Variants in DGKD observed in about 807,000 individuals in gnomAD.
DGKD encodes the protein DAG kinase delta.
In DGKD, 68 loss-of-function variants were observed where a neutral mutation model predicts 154.4. The ratio of observed to expected loss-of-function variants is 0.44; its 90% confidence interval spans 0.36 to 0.54. DGKD has a LOEUF of 0.54. Among genes scored for constraint, DGKD ranks in the 20% least tolerant of loss-of-function variants. DGKD has a pLI of 0.00. For synonymous variants in DGKD, 693 were observed against 638.0 expected (o/e 1.09, Z -1.30); for missense variants, 1,343 against 1,593.6 (o/e 0.84, Z 2.68).
At position 233,449,725 on chromosome 2, in the gene DGKD, C is replaced by T. The variant is rs1037480967; in HGVS notation, c.1889-257C>T. Among the ~76,000 whole-genome samples, 16 of 152,294 alleles carry T rather than the reference C, an allele frequency of 1.1e-4. No homozygotes were observed. The highest frequency in any genetic ancestry group is 6.5e-4 in the Admixed American group (10 of 15,308). On this transcript the variant is annotated intron_variant, in intron 15 of 29. Coordinates refer to ENST00000264057, the MANE Select transcript of DGKD (RefSeq NM_152879.3). This position sits in a 1 kb window ranked among gnomAD's most constrained non-coding sequence, Gnocchi z 5.3. ...CTCCCGCTTGCAGCCCTCCAGCCTG[C>T]GCCAGGCTCCTCTGCATCCCTTGCC... is the stretch of plus-strand genomic sequence containing the variant.
intron 3 of DGKD, among the ~76,000 whole-genome samples, chr2:233,412,842 A>G (rs2061860613): frequency 6.6e-6 from 1 of 152,212 alleles, no homozygotes; most frequent in African/African-American, 2.4e-5. Flanking sequence ...ATTGAAGTGA[A>G]CACATGGTTT....
rs1027501691 is a variant in DGKD at position 233,354,551 on chromosome 2, T to C, written c.33T>C (p.Gly11=). The C allele has an allele frequency of 9.8e-7, 1 of 1,015,740 alleles. No homozygotes were observed. The highest frequency in any genetic ancestry group is 1.2e-6 in the Non-Finnish European group (1 of 850,596). The allele number at this position is 1,015,740 out of a possible 1,614,324, so 62.9% of individuals were successfully genotyped here. Residue 11 remains glycine, a synonymous_variant, in exon 1 of 30, where the codon GGT becomes GGC. Transcript: ENST00000264057. The surrounding 1 kb of genome is among the most constrained non-coding windows in gnomAD (Gnocchi z 4.8). ...CGGCGGCGGGCGCCCCTCCGCCGGG[T>C]CCCCCGCAACCGCCTCCGCCGCCGC... MAAAAGAPPP[G]PPQPPPPPPP...
chr2:233,362,187 G>A (rs542112272), intron 1 of DGKD, among the ~76,000 whole-genome samples: 1 of 152,166 alleles, frequency 6.6e-6, no homozygotes, highest in Non-Finnish European at 1.5e-5. Flanking sequence ...TGAAAAAATT[G>A]TGTGAACCAG....
chr2:233,378,658 A>T (rs1001323716), intron 1 of DGKD, among the ~76,000 whole-genome samples: 5 of 151,948 alleles, frequency 3.3e-5, no homozygotes, highest in Non-Finnish European at 7.4e-5. Context: ...CGCCTTTTGC[A>T]TTTTTTTCTG....
chr2:233,380,763 T>C (rs1416429180), intron 1 of DGKD, among the ~76,000 whole-genome samples: 1 of 152,134 alleles, frequency 6.6e-6, no homozygotes, highest in Admixed American at 6.5e-5. Context: ...GAACTCCAAA[T>C]GAGGGGCAGA....
intron 3 of DGKD, among the ~76,000 whole-genome samples, chr2:233,402,393 G>C (rs184354899): frequency 6.6e-6 from 1 of 152,196 alleles, no homozygotes; most frequent in Non-Finnish European, 1.5e-5. Context: ...CCCTAGTAAT[G>C]TGTACTTGGC....
At chr2:233,403,681 C>T (rs2125491801) in intron 3 of DGKD, among the ~76,000 whole-genome samples, 1 of 151,564 alleles carries the variant, frequency 6.6e-6, no homozygotes, top group African/African-American at 2.4e-5. Flanking sequence ...GCTCTGTTGC[C>T]CAGGCCGGAG....
intron 3 of DGKD, among the ~76,000 whole-genome samples, chr2:233,412,644 C>T (rs371752184): frequency 9.2e-5 from 14 of 152,276 alleles, no homozygotes; most frequent in East Asian, 3.9e-4. Context: ...ATAGGAGTAG[C>T]GAAGGCAGGA....
At chr2:233,411,984 C>G (rs1048775942) in intron 3 of DGKD, among the ~76,000 whole-genome samples, 8 of 152,062 alleles carry the variant, frequency 5.3e-5, no homozygotes, top group Non-Finnish European at 1.2e-4. Flanking sequence ...TATATTATGT[C>G]TGCCTTTACT....
intron 1 of DGKD, among the ~76,000 whole-genome samples, chr2:233,379,107 C>T (rs1397372823): frequency 6.6e-6 from 1 of 152,182 alleles, no homozygotes; most frequent in African/African-American, 2.4e-5. Context: ...GACTGTTGGT[C>T]TGGGGAGGGA....
chr2:233,409,115 A>G lies in DGKD; in HGVS notation c.348+18632A>G, dbSNP rs555424880. The G allele has an allele frequency of 2.6e-5, 4 of 152,222 alleles. No homozygotes were observed. In the East Asian group the frequency reaches 5.8e-4, roughly 22 times the overall value. The allele number at this position is 152,222 out of a possible 1,614,324, so 9.4% of individuals were successfully genotyped here. A position where few individuals can be genotyped will look rare whatever the true frequency, so the allele number is the denominator to read the frequency against. On this transcript the variant is annotated intron_variant, in intron 3 of 29. Transcript: ENST00000264057. Reference sequence around the variant, plus strand: ...GTTTGGGGTGGGAGAAGACGCAGTTACTCGTCTGGGCTGTTTGTTTAGATT... The same window carrying G: ...GTTTGGGGTGGGAGAAGACGCAGTTGCTCGTCTGGGCTGTTTGTTTAGATT...
chr2:233,366,449 A>T (rs560995024), intron 1 of DGKD, among the ~76,000 whole-genome samples: 1 of 151,924 alleles, frequency 6.6e-6, no homozygotes, highest in East Asian at 1.9e-4. Flanking sequence ...GGGGGAGAGG[A>T]GGTTTGTGAT....
chr2:233,468,763 G>A (rs773699671), intron 29 of DGKD, among the ~76,000 whole-genome samples: 1 of 152,196 alleles, frequency 6.6e-6, no homozygotes, highest in Admixed American at 6.5e-5. Flanking sequence ...CAGACATAAT[G>A]GGGGGCAGAG....
intron 3 of DGKD, among the ~76,000 whole-genome samples, chr2:233,426,730 C>T (rs866895481): frequency 1.3e-5 from 2 of 151,990 alleles, no homozygotes; most frequent in South Asian, 4.2e-4. Context: ...GGAAGGTATG[C>T]GTTTGCATTT....
chr2:233,394,507 G>A (rs1703864259), intron 3 of DGKD, among the ~76,000 whole-genome samples: 2 of 151,896 alleles, frequency 1.3e-5, no homozygotes, highest in Non-Finnish European at 1.5e-5. Context: ...GCCTCCCAAA[G>A]TGCTGGGATT....
chr2:233,391,979 G>A (rs898628930), intron 3 of DGKD: 4 of 152,086 alleles, frequency 2.6e-5, no homozygotes, highest in African/African-American at 9.7e-5. Flanking sequence ...GTCTTTAATA[G>A]GAGTAGGTGT....
intron 25 of DGKD, 53 bp downstream of exon 25, chr2:233,462,512 C>T (rs886777370): frequency 2.3e-5 from 36 of 1,551,050 alleles, no homozygotes; most frequent in African/African-American, 1.8e-4. Context: ...CTGCCGCCCT[C>T]GGCCCTCCCC....
intron 3 of DGKD, among the ~76,000 whole-genome samples, chr2:233,395,780 G>A (rs939873795): frequency 3.3e-5 from 5 of 150,532 alleles, no homozygotes; most frequent in East Asian, 2.0e-4. Context: ...GCGATCCACC[G>A]GCCTCAGCCT....
chr2:233,399,662 T>C (rs2061510058), intron 3 of DGKD, among the ~76,000 whole-genome samples: 1 of 152,134 alleles, frequency 6.6e-6, no homozygotes, highest in Non-Finnish European at 1.5e-5. Context: ...TGGGCTTTTT[T>C]GTCAGAGCTG....
Sources: gnomAD v4.1 joint callset for allele counts (sites outside exome capture counted in the v4.1 genomes callset) on GRCh38, gnomAD v4.1.1 for gene constraint, Gnocchi (gnomAD v3.1) non-coding constraint, MANE v1.5 for transcripts, NCBI Gene and HGNC (gene_info 2026-07-23, HGNC 2026-07-21) for gene names.